ZNF599: variants seen among roughly 807,000 people sequenced by gnomAD.
ZNF599 encodes the protein zinc finger protein 599.
Under a neutral mutation model 11.7 loss-of-function variants are expected in ZNF599, and 10 were observed. The observed-to-expected ratio is 0.86, with a 90% confidence interval of 0.53 to 1.45. The LOEUF is 1.45. Among genes scored for constraint, ZNF599 ranks in the 40% most tolerant of loss-of-function variants. ZNF599 has a pLI of 0.00. For missense variants in ZNF599, 688 were observed against 713.6 expected, an observed-to-expected ratio of 0.96 and a Z score of 0.41; for synonymous variants, 232 against 253.2, an observed-to-expected ratio of 0.92 and a Z score of 0.79.
Position 34,772,948 on chromosome 19 carries a change from G to A in ZNF599, c.-107C>T, listed in dbSNP as rs1295563704. ...TGGGCTGCGAGGGACCTCAGTCCCC[G>A]CCGTCGTGTAAAATGCACACAAGGT... On this transcript the variant is annotated 5_prime_UTR_variant, in exon 1 of 4. Transcript: ENST00000329285. The A allele has an allele frequency of 1.5e-6, 2 of 1,297,258 alleles. No homozygotes were observed. The highest frequency in any genetic ancestry group is 2.0e-6 in the Non-Finnish European group (2 of 995,132). The allele number at this position is 1,297,258 out of a possible 1,614,324, so 80.4% of individuals were successfully genotyped here.
chr19:34,796,085 T>A, the ZNF599 span, among the ~76,000 whole-genome samples: 1 of 152,194 alleles, frequency 6.6e-6, no homozygotes, highest in Non-Finnish European at 1.5e-5. Context: ...CCTCCCAAAG[T>A]GCTGGTTTTA....
chr19:34,774,913 T>G (rs918912552), upstream of ZNF599, among the ~76,000 whole-genome samples: 1 of 152,170 alleles, frequency 6.6e-6, no homozygotes, highest in Non-Finnish European at 1.5e-5. Context: ...AGATTTCTCA[T>G]GAATGATTTG....
upstream of ZNF599, among the ~76,000 whole-genome samples, chr19:34,776,231 T>C (rs2069216443): frequency 6.6e-6 from 1 of 152,254 alleles, no homozygotes; most frequent in African/African-American, 2.4e-5. Flanking sequence ...AAATTGTTTT[T>C]ATATAAATTG....
chr19:34,762,183 T>C lies in ZNF599; in HGVS notation c.242-1624A>G, dbSNP rs117816780. Among the ~76,000 whole-genome samples the C allele has an allele frequency of 7.3e-3, 1,111 of 152,268 alleles. 5 individuals are homozygous for C. Among genetic ancestry groups the C allele is most frequent in the Non-Finnish European group, 0.012 (831 of 68,006 alleles). On this transcript the variant is annotated intron_variant, in intron 3 of 3. Coordinates refer to ENST00000329285, the MANE Select transcript of ZNF599 (RefSeq NM_001007248.3). Reference sequence around the variant, plus strand: ...ACTTCACTCTACCCCAAAATGAACATATTATGCACTGATATTTCACAGAAG... The same window carrying C: ...ACTTCACTCTACCCCAAAATGAACACATTATGCACTGATATTTCACAGAAG...
At chr19:34,777,410 A>ATATATTAATTAATATATAATATATG (rs2069224377), upstream of ZNF599, among the ~76,000 whole-genome samples, 9 of 91,268 alleles carry the variant, frequency 9.9e-5, no homozygotes, top group African/African-American at 4.3e-4. Flanking sequence ...TATTATATAT[A>ATATATTAATTAATATATAATATATG]ATATATATTA....
the ZNF599 span, among the ~76,000 whole-genome samples, chr19:34,798,112 C>G: frequency 2.0e-5 from 3 of 152,224 alleles, no homozygotes; most frequent in East Asian, 1.9e-4. Flanking sequence ...TTGGCTCATT[C>G]TGGCAGTCCC....
the ZNF599 span, among the ~76,000 whole-genome samples, chr19:34,804,787 C>T: frequency 3.9e-5 from 6 of 152,136 alleles, no homozygotes; most frequent in African/African-American, 9.7e-5. Flanking sequence ...GAGGAGAAAC[C>T]GAAAAGAAAA....
At chr19:34,774,137 C>T (rs964638470), upstream of ZNF599, among the ~76,000 whole-genome samples, 1 of 152,122 alleles carries the variant, frequency 6.6e-6, no homozygotes, top group African/African-American at 2.4e-5. Context: ...CCAAGGGATA[C>T]TTTCTTACAT....
At chr19:34,805,307 C>T in the ZNF599 span, among the ~76,000 whole-genome samples, 2 of 151,044 alleles carry the variant, frequency 1.3e-5, no homozygotes, top group East Asian at 2.0e-4. Flanking sequence ...AAGCAATTCT[C>T]CTGCCTCAGC....
chr19:34,806,474 C>T, the ZNF599 span, among the ~76,000 whole-genome samples: 6 of 152,276 alleles, frequency 3.9e-5, no homozygotes, highest in Non-Finnish European at 5.9e-5. Context: ...AAAGTGAAAC[C>T]GTGCCCCAGG....
chr19:34,798,993 C>T, the ZNF599 span, among the ~76,000 whole-genome samples: 2 of 152,036 alleles, frequency 1.3e-5, no homozygotes, highest in Non-Finnish European at 2.9e-5. Flanking sequence ...TAATTGGAAT[C>T]GTACTATACA....
chr19:34,792,146 C>G, the ZNF599 span, among the ~76,000 whole-genome samples: 1 of 152,200 alleles, frequency 6.6e-6, no homozygotes, highest in African/African-American at 2.4e-5. Context: ...CCCTCAATCT[C>G]CATCCTACAG....
At chr19:34,804,170 G>A in the ZNF599 span, among the ~76,000 whole-genome samples, 1 of 152,156 alleles carries the variant, frequency 6.6e-6, no homozygotes, top group Non-Finnish European at 1.5e-5. Flanking sequence ...CCCTCCTAAT[G>A]CCTCTAGCAG....
chr19:34,779,473 T>G, the ZNF599 span: 1 of 456,770 alleles, frequency 2.2e-6, no homozygotes, highest in Non-Finnish European at 4.4e-6. Flanking sequence ...TTACTGAGGC[T>G]GGGGCTTTGG....
the ZNF599 span, among the ~76,000 whole-genome samples, chr19:34,792,921 G>A: frequency 9.9e-5 from 15 of 151,756 alleles, no homozygotes; most frequent in East Asian, 1.2e-3. Context: ...GATACCAAGC[G>A]AAAGACCCTG....
chr19:34,773,006 C>G lies in ZNF599; in HGVS notation c.-165G>C. 1 of 812,912 alleles carries G rather than the reference C, an allele frequency of 1.2e-6. No homozygotes were observed. The highest frequency in any genetic ancestry group is 1.8e-6 in the Non-Finnish European group (1 of 554,558). The allele number at this position is 812,912 out of a possible 1,614,324, so 50.4% of individuals were successfully genotyped here. ...GCCGCCTCTGCGCGCCGTGAGGACA[C>G]AGGGCTGTCGCCAAGGCCCCAGGAA... On this transcript the variant is annotated 5_prime_UTR_variant, in exon 1 of 4. Transcript: ENST00000329285.
upstream of ZNF599, among the ~76,000 whole-genome samples, chr19:34,775,823 A>AGGTG (rs1189484051): frequency 1.3e-5 from 2 of 152,228 alleles, no homozygotes; most frequent in Non-Finnish European, 2.9e-5. Flanking sequence ...AACAAAACAT[A>AGGTG]TTAGTAAATT....
At chr19:34,777,259 A>T (rs1280591284), upstream of ZNF599, among the ~76,000 whole-genome samples, 1 of 123,570 alleles carries the variant, frequency 8.1e-6, no homozygotes, top group African/African-American at 3.0e-5. Context: ...AATATATATT[A>T]TATATATCCA....
chr19:34,806,402 A>AC, the ZNF599 span, among the ~76,000 whole-genome samples: 80,086 of 151,918 alleles, frequency 0.53, 21,541 homozygotes, highest in East Asian at 0.8. Context: ...AAACTTTAAA[A>AC]CCTTAACTCA....
Sources: allele counts gnomAD v4.1 joint callset (sites outside exome capture counted in the v4.1 genomes callset), GRCh38; gene constraint gnomAD v4.1.1; transcripts MANE v1.5; gene names NCBI Gene and HGNC (gene_info 2026-07-23, HGNC 2026-07-21).